The following ABRAXAS1 variants were observed in gnomAD, a reference collection of about 807,000 sequenced individuals.
ABRAXAS1 encodes BRCA1-A complex subunit Abraxas 1.
ABRAXAS1 carries 26 observed loss-of-function variants against 38.4 expected under a neutral mutation model. The observed-to-expected ratio is 0.68, with a 90% CI of 0.50 to 0.94. The LOEUF (loss-of-function observed/expected upper bound fraction) is 0.94. Ranked by LOEUF, ABRAXAS1 falls within the 40% of genes least tolerant of loss-of-function variation. ABRAXAS1 has a pLI of 0.00. For synonymous variants in ABRAXAS1, 144 were observed against 165.5 expected (o/e 0.87, Z 1.00); for missense variants, 438 against 481.9 (o/e 0.91, Z 0.85).
At chr4:83,468,084 C>T (rs1722438560) in intron 6 of ABRAXAS1, among the ~76,000 whole-genome samples, 1 of 152,104 alleles carries the variant, frequency 6.6e-6, no homozygotes, top group South Asian at 2.1e-4. Flanking sequence ...AGGCGGATCA[C>T]CTGAGGTCGG....
intron 7 of ABRAXAS1, among the ~76,000 whole-genome samples, chr4:83,466,518 A>G (rs1454633397): frequency 6.7e-6 from 1 of 150,368 alleles, no homozygotes; most frequent in Non-Finnish European, 1.5e-5. Flanking sequence ...AAGTTTTAAG[A>G]GCTGTTGTGA....
chr4:83,459,878 T>C lies in ABRAXAS1; in HGVS notation c.*2591A>G, dbSNP rs1722015534. 1 of 1,265,474 alleles carries C rather than the reference T, an allele frequency of 7.9e-7. No homozygotes were observed. The highest frequency in any genetic ancestry group is 1.5e-5 in the African/African-American group (1 of 65,740). 78.4% of individuals were successfully genotyped at this position (1,265,474 alleles called of 1,614,324 possible). A position where few individuals can be genotyped will look rare whatever the true frequency, so the allele number is the denominator to read the frequency against. ...TTTCTATCATTTAAGAAAACTCAAA[T>C]TTTCAAATTGTGCTATAAATTACTA... On this transcript the variant is annotated 3_prime_UTR_variant, in exon 9 of 9. Transcript: ENST00000321945.
intron 4 of ABRAXAS1, among the ~76,000 whole-genome samples, chr4:83,471,865 G>A (rs1016404854): frequency 2.0e-5 from 3 of 151,550 alleles, no homozygotes; most frequent in Non-Finnish European, 1.5e-5. Flanking sequence ...GCAAGACTCC[G>A]TCTCAAAAAA....
At chr4:83,471,444 G>A (rs888655272) in intron 4 of ABRAXAS1, among the ~76,000 whole-genome samples, 2 of 151,610 alleles carry the variant, frequency 1.3e-5, no homozygotes, top group Admixed American at 1.3e-4. Flanking sequence ...TCCTGACCTC[G>A]TGATCCGCCC....
intron 8 of ABRAXAS1, among the ~76,000 whole-genome samples, 165 bp from the exon 9 acceptor site, chr4:83,463,067 T>C (rs762738386): frequency 1.5e-4 from 23 of 152,218 alleles, no homozygotes; most frequent in Non-Finnish European, 2.8e-4. Context: ...GCCACAGTAT[T>C]CTAAGACAAA....
intron 8 of ABRAXAS1, among the ~76,000 whole-genome samples, chr4:83,463,120 GTAT>G (rs1245864634): frequency 1.3e-5 from 2 of 152,168 alleles, no homozygotes; most frequent in Non-Finnish European, 2.9e-5. Flanking sequence ...AGCTACCATA[GTAT>G]TATGTTCTTT....
At chr4:83,480,638 A>G (rs895343087) in intron 2 of ABRAXAS1, among the ~76,000 whole-genome samples, 4 of 152,206 alleles carry the variant, frequency 2.6e-5, no homozygotes, top group Admixed American at 1.3e-4. Flanking sequence ...CAAAAACCTT[A>G]CAAGTGTTCA....
chr4:83,470,062 A>T, intron 5 of ABRAXAS1, 141 bp downstream of exon 5: 1 of 555,572 alleles, frequency 1.8e-6, no homozygotes, highest in South Asian at 4.1e-5. Context: ...AAATTAACAG[A>T]TGGTAAGATC....
At chr4:83,477,447 G>A (rs920905893) in intron 2 of ABRAXAS1, 4 of 271,200 alleles carry the variant, frequency 1.5e-5, no homozygotes, top group African/African-American at 2.3e-5. Flanking sequence ...GGGTTTTAAT[G>A]CTTCCGGGTT....
rs767385157 is a variant in ABRAXAS1 at position 83,460,990 on chromosome 4, CAG to C, written c.*1477_*1478del. ...TTTTACAGGTCTTTGTGGGAAGAAA[CAG>C]AAAGAAATCACAAAAGCAATTAAGA... On this transcript the variant is annotated 3_prime_UTR_variant, in exon 9 of 9. Coordinates refer to ENST00000321945, the MANE Select transcript of ABRAXAS1 (RefSeq NM_139076.3). 3.4e-4 allele frequency: 541 copies of C among 1,606,784 alleles called. No individual in the cohort carries two copies. The highest frequency in any genetic ancestry group is 4.3e-4 in the Non-Finnish European group (506 of 1,177,782).
chr4:83,475,793 T>C (rs1722743833), intron 3 of ABRAXAS1, among the ~76,000 whole-genome samples: 1 of 152,224 alleles, frequency 6.6e-6, no homozygotes, highest in Non-Finnish European at 1.5e-5. Context: ...TCTACGTGTA[T>C]GTTATACTCA....
chr4:83,479,360 C>T (rs1337404320), intron 2 of ABRAXAS1: 1 of 146,550 alleles, frequency 6.8e-6, no homozygotes, highest in African/African-American at 2.6e-5. Context: ...GCCGGAATCC[C>T]ACCACTGCAC....
intron 3 of ABRAXAS1, among the ~76,000 whole-genome samples, chr4:83,476,372 G>A (rs1304343486): frequency 6.6e-6 from 1 of 152,178 alleles, no homozygotes; most frequent in African/African-American, 2.4e-5. Context: ...TGAGGTGACT[G>A]GGTGTGAGAA....
rs1457672501 is a variant in ABRAXAS1, at chr4:83,474,180, T to TAAATAAAA, written c.216-1893_216-1892insTTTTATTT. Among the ~76,000 whole-genome samples, 84 of 148,880 alleles carry TAAATAAAA rather than the reference T, an allele frequency of 5.6e-4. 1 individual carries two copies. Among genetic ancestry groups the TAAATAAAA allele is most frequent in the African/African-American group, 1.7e-3 (68 of 39,428 alleles). ...ATAAATAAATAAATAAATAAATAAA[T>TAAATAAAA]AAAATCTCTATCTATCCATCCACAC... On this transcript the variant is annotated intron_variant, in intron 3 of 8. Coordinates refer to ENST00000321945, the MANE Select transcript of ABRAXAS1 (RefSeq NM_139076.3).
chr4:83,473,252 G>GTCTCA (rs1722646581), intron 3 of ABRAXAS1, among the ~76,000 whole-genome samples: 2 of 152,048 alleles, frequency 1.3e-5, no homozygotes, highest in African/African-American at 2.4e-5. Context: ...TGCACTCCAG[G>GTCTCA]CTGGGCAACA....
At chr4:83,472,733 G>A (rs1412643878) in intron 3 of ABRAXAS1, among the ~76,000 whole-genome samples, 1 of 152,160 alleles carries the variant, frequency 6.6e-6, no homozygotes, top group Non-Finnish European at 1.5e-5. Context: ...CAAAAGCTAT[G>A]TATTTTAGGA....
chr4:83,462,415 G>T lies in ABRAXAS1; in HGVS notation c.*54C>A. 6.9e-7 allele frequency: 1 copy of T among 1,439,794 alleles called. No homozygotes were observed. Among genetic ancestry groups the T allele is most frequent in the Non-Finnish European group, 9.5e-7 (1 of 1,057,378 alleles). The allele number at this position is 1,439,794 out of a possible 1,614,324, so 89.2% of individuals were successfully genotyped here. The stretch of plus-strand genomic sequence containing the variant: ...TCAACATAGTAAAAACAATAGAAAT[G>T]TTTGGCTTTACCCATCAGCCAAATA... On this transcript the variant is annotated 3_prime_UTR_variant, in exon 9 of 9. Transcript: ENST00000321945.
At position 83,470,219 on chromosome 4, in the gene ABRAXAS1, A is replaced by G; in HGVS notation, c.460T>C (p.Tyr154His). The change falls in exon 5 of 9, where the codon TAT becomes CAT. Residue 154 changes from tyrosine (Y) to histidine (H), a missense_variant. Coordinates refer to ENST00000321945, the MANE Select transcript of ABRAXAS1 (RefSeq NM_139076.3). ...AACATTTACCCTTTTTGAGGTTTATATAAGGAATGTTCCAGTCGATGAGTA... is the reference window on the plus strand; with the variant it reads ...AACATTTACCCTTTTTGAGGTTTATGTAAGGAATGTTCCAGTCGATGAGTA... ...CSTHRLEHSL[Y>H]KPQKGLFHRV... 2.5e-6 allele frequency: 4 copies of G among 1,612,488 alleles called. No homozygotes were observed. The highest frequency in any genetic ancestry group is 2.5e-6 in the Non-Finnish European group (3 of 1,179,220).
intron 4 of ABRAXAS1, among the ~76,000 whole-genome samples, chr4:83,471,430 G>A (rs933365386): frequency 1.3e-5 from 2 of 151,300 alleles, no homozygotes; most frequent in African/African-American, 2.4e-5. Flanking sequence ...GGCTGGTCTC[G>A]AACTCCTGAC....
Sources: allele counts gnomAD v4.1 joint callset (sites outside exome capture counted in the v4.1 genomes callset), GRCh38; gene constraint gnomAD v4.1.1; transcripts MANE v1.5; gene names NCBI Gene and HGNC (gene_info 2026-07-23, HGNC 2026-07-21).